Variants in PACSIN2 observed in about 807,000 individuals in gnomAD.
PACSIN2 encodes the protein protein kinase C and casein kinase substrate in neurons protein 2.
PACSIN2 carries 25 observed loss-of-function variants against 63.8 expected under a neutral mutation model. The ratio of observed to expected loss-of-function variants is 0.39; its 90% CI spans 0.29 to 0.55. The LOEUF (loss-of-function observed/expected upper bound fraction) is 0.55. Ranked by LOEUF, PACSIN2 falls within the 20% of genes least tolerant of loss-of-function variation. The pLI is 0.62. For synonymous variants in PACSIN2, 255 were observed against 256.2 expected (o/e 1.00, Z 0.05); for missense variants, 518 against 646.9 (o/e 0.80, Z 2.16).
chr22:42,890,436 A>AG (rs941115571), intron 4 of PACSIN2, among the ~76,000 whole-genome samples: 4 of 152,150 alleles, frequency 2.6e-5, no homozygotes, highest in African/African-American at 9.7e-5. Flanking sequence ...ATGTGTTGGT[A>AG]GGATCAAATT....
At chr22:43,000,268 G>A (rs943719217) in intron 1 of PACSIN2, among the ~76,000 whole-genome samples, 2 of 152,250 alleles carry the variant, frequency 1.3e-5, no homozygotes, top group African/African-American at 4.8e-5. Flanking sequence ...ATCCTGGACA[G>A]CAGGATGCAC....
chr22:42,921,897 C>T (rs1370043036), intron 1 of PACSIN2, among the ~76,000 whole-genome samples: 1 of 152,094 alleles, frequency 6.6e-6, no homozygotes, highest in Admixed American at 6.5e-5. Flanking sequence ...CACCACCATG[C>T]CAGGCTAATT....
chr22:42,897,523 T>C (rs1930374465), intron 2 of PACSIN2, among the ~76,000 whole-genome samples: 1 of 152,196 alleles, frequency 6.6e-6, no homozygotes, highest in Non-Finnish European at 1.5e-5. Context: ...ATTCACAAAA[T>C]CCTCATTTTT....
rs1288068267 is a variant in PACSIN2, at chr22:43,007,739, G to T, written c.-78+7282C>A. On this transcript the variant is annotated intron_variant, in intron 1 of 10. Transcript: ENST00000263246. The stretch of plus-strand genomic sequence containing the variant: ...CCACAATGAAAAGAGAAGTTTCCAG[G>T]CCTGCTGCCTATACTGAGCTGCCTT... 2.0e-5 allele frequency among the ~76,000 whole-genome samples: 3 copies of T among 152,126 alleles called. No individual in the cohort carries two copies. The East Asian group carries it at 5.8e-4, about 29-fold the overall frequency.
intron 1 of PACSIN2, among the ~76,000 whole-genome samples, chr22:42,991,369 G>A (rs865978917): frequency 1.3e-4 from 20 of 152,246 alleles, no homozygotes; most frequent in African/African-American, 4.6e-4. Flanking sequence ...GCAGAATGGG[G>A]AACAGCCCCT....
Position 43,012,144 on chromosome 22 carries a change from A to T in PACSIN2, c.-78+2877T>A, listed in dbSNP as rs565557697. 8.8e-5 allele frequency among the ~76,000 whole-genome samples: 12 copies of T among 136,156 alleles called. No individual in the cohort carries two copies. The South Asian group carries it at 1.4e-3, about 16-fold the overall frequency. 89.3% of individuals were successfully genotyped at this position (136,156 alleles called of 152,430 possible). A position where few individuals can be genotyped will look rare whatever the true frequency, so the allele number is the denominator to read the frequency against. ...GGGCGACAGAGCGAGACTCTGTCTC[A>T]AAATAAATAAATACATACATACATA... On this transcript the variant is annotated intron_variant, in intron 1 of 10. Transcript: ENST00000263246.
At chr22:42,882,353 C>T in intron 6 of PACSIN2, 49 bp from the exon 7 acceptor site, 2 of 1,569,956 alleles carry the variant, frequency 1.3e-6, no homozygotes, top group Non-Finnish European at 1.7e-6. Flanking sequence ...GGCCAGCTAC[C>T]CTTTGTCCCA....
intron 1 of PACSIN2, among the ~76,000 whole-genome samples, chr22:42,971,232 C>T (rs1601591669): frequency 2.6e-5 from 4 of 152,306 alleles, no homozygotes; most frequent in South Asian, 4.1e-4. Flanking sequence ...ATTGCAGGCG[C>T]GCGCCGCCAC....
intron 1 of PACSIN2, among the ~76,000 whole-genome samples, chr22:42,990,060 ATATGTG>A (rs1354519632): frequency 1.1e-5 from 1 of 89,594 alleles, no homozygotes; most frequent in Non-Finnish European, 2.2e-5. Flanking sequence ...ATACACACAC[ATATGTG>A]TGTATATATA....
intron 1 of PACSIN2, among the ~76,000 whole-genome samples, chr22:42,986,786 T>G (rs538154217): frequency 6.6e-6 from 1 of 152,300 alleles, no homozygotes; most frequent in East Asian, 1.9e-4. Context: ...CAGCAGCTAC[T>G]GCATCAACAC....
chr22:43,010,398 A>ATATATATATATATATATATATATATTT, intron 1 of PACSIN2, among the ~76,000 whole-genome samples: 61 of 126,380 alleles, frequency 4.8e-4, no homozygotes, highest in Non-Finnish European at 7.4e-4. Context: ...ATATATATAT[A>ATATATATATATATATATATATATATTT]TTTTTTTTTA....
At chr22:42,970,438 A>G (rs950699223) in intron 1 of PACSIN2, among the ~76,000 whole-genome samples, 1 of 152,262 alleles carries the variant, frequency 6.6e-6, no homozygotes, top group African/African-American at 2.4e-5. Flanking sequence ...TAGTTTATTC[A>G]GTAATACTGC....
At chr22:42,983,855 GAC>G (rs1922418069) in intron 1 of PACSIN2, among the ~76,000 whole-genome samples, 1 of 151,948 alleles carries the variant, frequency 6.6e-6, no homozygotes, top group Admixed American at 6.6e-5. Flanking sequence ...CATCTCATGA[GAC>G]AGATACTTAA....
At chr22:42,945,551 C>A (rs535441720) in intron 1 of PACSIN2, among the ~76,000 whole-genome samples, 1 of 152,104 alleles carries the variant, frequency 6.6e-6, no homozygotes, top group African/African-American at 2.4e-5. Flanking sequence ...GGGTTTTCTA[C>A]GTCAGAAATG....
chr22:42,936,253 G>A (rs1366943915), intron 1 of PACSIN2, among the ~76,000 whole-genome samples: 1 of 151,352 alleles, frequency 6.6e-6, no homozygotes, highest in Non-Finnish European at 1.5e-5. Context: ...TTCCACTCAT[G>A]AAACAGGGAT....
At chr22:42,881,192 G>A (rs1056752087) in intron 7 of PACSIN2, among the ~76,000 whole-genome samples, 1 of 152,198 alleles carries the variant, frequency 6.6e-6, no homozygotes, top group African/African-American at 2.4e-5. Context: ...AAGTGCAGGA[G>A]TAAGGACTGA....
chr22:42,952,610 G>C (rs1213487321), intron 1 of PACSIN2, among the ~76,000 whole-genome samples: 1 of 151,204 alleles, frequency 6.6e-6, no homozygotes, highest in African/African-American at 2.4e-5. Flanking sequence ...GCCCACCTTG[G>C]CCTCCCAAAG....
chr22:42,922,655 G>A (rs1002496435), intron 1 of PACSIN2, among the ~76,000 whole-genome samples: 5 of 152,158 alleles, frequency 3.3e-5, no homozygotes, highest in African/African-American at 7.2e-5. Flanking sequence ...GGGAAATAAC[G>A]ATTTATTCTA....
At chr22:42,949,464 G>A (rs1007159895) in intron 1 of PACSIN2, among the ~76,000 whole-genome samples, 2 of 149,826 alleles carry the variant, frequency 1.3e-5, no homozygotes, top group Non-Finnish European at 2.9e-5. Context: ...ACACGCGCGC[G>A]CACGCACACA....
Sources: gnomAD v4.1 joint callset for allele counts (sites outside exome capture counted in the v4.1 genomes callset) on GRCh38, gnomAD v4.1.1 for gene constraint, MANE v1.5 for transcripts, NCBI Gene and HGNC (gene_info 2026-07-23, HGNC 2026-07-21) for gene names.